RFX1: variants seen among roughly 807,000 people sequenced by gnomAD.
The protein encoded by RFX1 is MHC class II regulatory factor RFX1.
A neutral mutation model predicts 119.6 loss-of-function variants in RFX1; 42 were observed. That is an observed-to-expected ratio of 0.35 (90% CI 0.27 to 0.45). The LOEUF is 0.45. RFX1 is among the 20% of genes least tolerant of loss of function. RFX1 has a pLI of 1.00. For synonymous variants in RFX1, 628 were observed against 618.5 expected (o/e 1.02, Z -0.23); for missense variants, 1,118 against 1,368.1 (o/e 0.82, Z 2.88).
In RFX1 at chr19:13,980,774, A is replaced by T. The variant is rs1974405051; in HGVS notation, c.622-85T>A. 6.9e-6 allele frequency: 2 copies of T among 291,362 alleles called. No individual in the cohort carries two copies. The highest frequency in any genetic ancestry group is 1.6e-4 in the South Asian group (2 of 12,866). The allele number at this position is 291,362 out of a possible 1,614,324, so 18.0% of individuals were successfully genotyped here. ...GGCTCACACACACACCCTTCTCAGGAGAGCTGTCTGGGGAGGGCGGCAGTC... is the reference window on the plus strand; with the variant it reads ...GGCTCACACACACACCCTTCTCAGGTGAGCTGTCTGGGGAGGGCGGCAGTC... On this transcript the variant is annotated intron_variant, in intron 5 of 20. Transcript: ENST00000254325. This position sits in a 1 kb window ranked among gnomAD's most constrained non-coding sequence, Gnocchi z 5.1.
chr19:13,970,405 C>T (rs1223072147), intron 9 of RFX1, among the ~76,000 whole-genome samples: 3 of 152,224 alleles, frequency 2.0e-5, no homozygotes, highest in Middle Eastern at 3.4e-3. Context: ...AGGCCGGGCA[C>T]GGCTCACCCC....
rs376996296 is a variant in RFX1, at chr19:13,965,322, C to G, written c.2211+127G>C. The stretch of plus-strand genomic sequence containing the variant: ...GGGTGCTCCCCGAGGCGGAGAAGGT[C>G]TCCCCTTCCTCCACAGGCATCATCC... On this transcript the variant is annotated intron_variant, in intron 16 of 20. Coordinates refer to ENST00000254325, the MANE Select transcript of RFX1 (RefSeq NM_002918.5). The surrounding 1 kb of genome is among the most constrained non-coding windows in gnomAD (Gnocchi z 4.7). The G allele has an allele frequency of 4.2e-5, 35 of 829,498 alleles. No homozygotes were observed. The highest frequency in any genetic ancestry group is 2.6e-4 in the African/African-American group (15 of 58,724). 51.4% of individuals were successfully genotyped at this position (829,498 alleles called of 1,614,324 possible).
At chr19:14,005,485 T>G (rs1329880925) in intron 1 of RFX1, among the ~76,000 whole-genome samples, 1 of 152,154 alleles carries the variant, frequency 6.6e-6, no homozygotes, top group Non-Finnish European at 1.5e-5. Flanking sequence ...GTAAGTAAAA[T>G]TCCTGGAAGG....
At chr19:13,983,426 G>A (rs773391623) in intron 3 of RFX1, 60 bp downstream of exon 3, 94 of 1,364,176 alleles carry the variant, frequency 6.9e-5, no homozygotes, top group Admixed American at 2.6e-4. Context: ...CCCCGAGGAC[G>A]CAGCCTGCAC....
At chr19:13,975,732 GAATA>G (rs1431776892) in intron 8 of RFX1, among the ~76,000 whole-genome samples, 1 of 152,244 alleles carries the variant, frequency 6.6e-6, no homozygotes, top group African/African-American at 2.4e-5. Flanking sequence ...CTGAATGACT[GAATA>G]AATGAATGTG....
At chr19:14,000,385 C>T (rs1006777998) in intron 1 of RFX1, among the ~76,000 whole-genome samples, 1 of 152,080 alleles carries the variant, frequency 6.6e-6, no homozygotes, top group Non-Finnish European at 1.5e-5. Flanking sequence ...ACTCAGGAGG[C>T]TTAGGCAGGA....
At chr19:13,972,266 C>T (rs999838506) in intron 9 of RFX1, among the ~76,000 whole-genome samples, 8 of 151,562 alleles carry the variant, frequency 5.3e-5, no homozygotes, top group Admixed American at 5.3e-4. Context: ...GCGCAGTCTC[C>T]GCTCACTGCA....
rs777359443 is a variant in RFX1 at position 13,980,648 on chromosome 19, G to A, written c.663C>T (p.Ala221=). 9.4e-6 allele frequency: 15 copies of A among 1,590,016 alleles called. No individual in the cohort carries two copies. The East Asian group carries it at 1.4e-4, about 14-fold the overall frequency. The change falls in exon 6 of 21, where the codon GCC becomes GCT. Residue 221 remains alanine (A), a synonymous_variant. Transcript: ENST00000254325. The surrounding 1 kb of genome is among the most constrained non-coding windows in gnomAD (Gnocchi z 5.1). ...GTGGCACTGTGCCCGTGGGGGCCCCGGCTGTCTTGCTGGAAGAGCTGTTGG... is the reference window on the plus strand; with the variant it reads ...GTGGCACTGTGCCCGTGGGGGCCCCAGCTGTCTTGCTGGAAGAGCTGTTGG... ...VQANSSSSKT[A]GAPTGTVPQQ... is the part of the protein sequence containing the mutation.
chr19:13,998,794 G>A (rs1975118421), intron 1 of RFX1, among the ~76,000 whole-genome samples: 1 of 152,166 alleles, frequency 6.6e-6, no homozygotes, highest in South Asian at 2.1e-4. Context: ...GAGAAATGCT[G>A]GCCTTGGCTT....
chr19:14,000,715 T>C (rs1248835044), intron 1 of RFX1, among the ~76,000 whole-genome samples: 2 of 150,670 alleles, frequency 1.3e-5, no homozygotes, highest in Non-Finnish European at 3.0e-5. Flanking sequence ...GGAGAATCAC[T>C]TGAGCCCAGG....
At position 13,966,680 on chromosome 19, in the gene RFX1, G is replaced by T. The variant is rs751663921; in HGVS notation, c.1804C>A (p.Pro602Thr). Residue 602 changes from proline (P) to threonine (T), a missense_variant, in exon 13 of 21, where the codon CCC becomes ACC. Physicochemically the swap from Pro to Thr is conservative, Grantham distance 38. Coordinates refer to ENST00000254325, the MANE Select transcript of RFX1 (RefSeq NM_002918.5). The surrounding 1 kb of genome is among the most constrained non-coding windows in gnomAD (Gnocchi z 6.3). Reference sequence around the variant, plus strand: ...ACCTGGAAGGCTTTGATGTCCCCGGGCCCGACGCCCTCAGGCAGCACCTTG... The same window carrying T: ...ACCTGGAAGGCTTTGATGTCCCCGGTCCCGACGCCCTCAGGCAGCACCTTG... Reference protein sequence around the residue: ...QGKVLPEGVGPGDIKAFQVLY... With the variant: ...QGKVLPEGVGTGDIKAFQVLY... The T allele has an allele frequency of 5.0e-6, 8 of 1,611,324 alleles. No homozygotes were observed. The East Asian group carries it at 1.3e-4, about 27-fold the overall frequency.
chr19:13,971,751 T>G (rs1373327884), intron 9 of RFX1, among the ~76,000 whole-genome samples: 3 of 152,126 alleles, frequency 2.0e-5, no homozygotes, highest in African/African-American at 7.2e-5. Context: ...GGCTCACGTC[T>G]GTAATCCCAG....
At chr19:13,972,267 G>A (rs544184017) in intron 9 of RFX1, among the ~76,000 whole-genome samples, 3 of 146,788 alleles carry the variant, frequency 2.0e-5, no homozygotes, top group African/African-American at 5.1e-5. Context: ...CGCAGTCTCC[G>A]CTCACTGCAA....
chr19:13,985,289 G>A lies in RFX1; in HGVS notation c.320-1694C>T, dbSNP rs943170133. ...GCCTCCCGGTTCAAGTGATTCTCCT[G>A]CCTCAACCCACTGAGTAGCTAGGAC... is the stretch of plus-strand genomic sequence containing the variant. On this transcript the variant is annotated intron_variant, in intron 2 of 20. Transcript: ENST00000254325. The surrounding 1 kb of genome is among the most constrained non-coding windows in gnomAD (Gnocchi z 4.3). Among the ~76,000 whole-genome samples, 1 of 151,704 alleles carries A rather than the reference G, an allele frequency of 6.6e-6. No individual in the cohort carries two copies. The highest frequency in any genetic ancestry group is 2.4e-5 in the African/African-American group (1 of 41,246).
At chr19:13,991,940 G>A (rs965383450) in intron 2 of RFX1, among the ~76,000 whole-genome samples, 1 of 152,094 alleles carries the variant, frequency 6.6e-6, no homozygotes, top group Non-Finnish European at 1.5e-5. Context: ...GGGGTTATAG[G>A]TGTGAGCCAC....
rs543917491 is a variant in RFX1, at chr19:13,983,420, G to A, written c.429+66C>T. ...AGCGGGGAGGGGAGGTGAGGCCCCC[G>A]AGGACGCAGCCTGCACTGCCCCCCT... On this transcript the variant is annotated intron_variant, in intron 3 of 20. Coordinates refer to ENST00000254325, the MANE Select transcript of RFX1 (RefSeq NM_002918.5). The A allele has an allele frequency of 3.6e-5, 48 of 1,339,084 alleles. No homozygotes were observed. In the Middle Eastern group the frequency reaches 5.6e-4, roughly 16 times the overall value. 83.0% of individuals were successfully genotyped at this position (1,339,084 alleles called of 1,614,324 possible).
Position 13,966,785 on chromosome 19 carries a change from T to TC in RFX1, c.1733-35dup, listed in dbSNP as rs773640698. ...CCGGGGGGAACCGTGAGGCCCTTCA[T>TC]CCCCCTTGCCTGCCCACCCTGGGGT... On this transcript the variant is annotated intron_variant, in intron 12 of 20. Coordinates refer to ENST00000254325, the MANE Select transcript of RFX1 (RefSeq NM_002918.5). This position sits in a 1 kb window ranked among gnomAD's most constrained non-coding sequence, Gnocchi z 6.3. The TC allele has an allele frequency of 1.4e-6, 2 of 1,455,736 alleles. No homozygotes were observed. The highest frequency in any genetic ancestry group is 1.9e-6 in the Non-Finnish European group (2 of 1,054,880). 90.2% of individuals were successfully genotyped at this position (1,455,736 alleles called of 1,614,324 possible). A position where few individuals can be genotyped will look rare whatever the true frequency, so the allele number is the denominator to read the frequency against.
Position 13,980,059 on chromosome 19 carries a change from T to TGGG in RFX1, c.738+511_738+513dup, listed in dbSNP as rs1568469345. On this transcript the variant is annotated intron_variant, in intron 6 of 20. Transcript: ENST00000254325. This position sits in a 1 kb window ranked among gnomAD's most constrained non-coding sequence, Gnocchi z 5.1. ...CTGGGACAGGGTTTCTGTTTACACT[T>TGGG]GGGGAAGGGTCTATGGATTTCATCT... Among the ~76,000 whole-genome samples the TGGG allele has an allele frequency of 6.6e-6, 1 of 152,032 alleles. No individual in the cohort carries two copies. Among genetic ancestry groups the TGGG allele is most frequent in the East Asian group, 1.9e-4 (1 of 5,176 alleles).
chr19:13,979,654 G>T, intron 6 of RFX1, 112 bp from the exon 7 acceptor site: 1 of 594,402 alleles, frequency 1.7e-6, no homozygotes, highest in Non-Finnish European at 2.8e-6. Context: ...ATAAGCAAGA[G>T]GCCACCATTC....
Sources: allele counts gnomAD v4.1 joint callset (sites outside exome capture counted in the v4.1 genomes callset), GRCh38; gene constraint gnomAD v4.1.1; non-coding constraint Gnocchi (gnomAD v3.1); transcripts MANE v1.5; gene names NCBI Gene and HGNC (gene_info 2026-07-23, HGNC 2026-07-21).